CANX: variants seen among roughly 807,000 people sequenced by gnomAD.
CANX encodes epididymis secretory sperm binding protein.
Under a neutral mutation model 75.7 loss-of-function variants are expected in CANX, and 14 were observed. The ratio of observed to expected loss-of-function variants is 0.19; its 90% CI spans 0.12 to 0.29. The LOEUF (loss-of-function observed/expected upper bound fraction) is 0.29, where lower values mean the gene tolerates loss of function less well. Among genes scored for constraint, CANX ranks in the 10% least tolerant of loss-of-function variants. The pLI, the probability that CANX is intolerant of heterozygous loss-of-function variation, is 1.00. For synonymous variants in CANX, 227 were observed against 236.9 expected (o/e 0.96, Z 0.38); for missense variants, 567 against 713.2 (o/e 0.79, Z 2.34).
chr5:179,706,774 A>G (rs575522581), intron 3 of CANX, among the ~76,000 whole-genome samples: 15 of 152,110 alleles, frequency 9.9e-5, no homozygotes, highest in Non-Finnish European at 1.9e-4. Flanking sequence ...TCTAGCTTTA[A>G]TATCTTCAGT....
At chr5:179,697,795 G>A (rs543761188), upstream of CANX, among the ~76,000 whole-genome samples, 5 of 152,202 alleles carry the variant, frequency 3.3e-5, no homozygotes, top group Non-Finnish European at 7.4e-5. Flanking sequence ...GGAGGCTGAG[G>A]GAGAATCGCT....
chr5:179,730,798 T>TC lies in CANX; in HGVS notation c.*2156dup, dbSNP rs1778944305. ...TTGATTTTACATGCTGGTTACCTGT[T>TC]CCATTGTTGTCAAATGCCCACTCTC... On this transcript the variant is annotated 3_prime_UTR_variant, in exon 15 of 15. Transcript: ENST00000247461. The TC allele has an allele frequency of 6.6e-6, 1 of 152,240 alleles. No homozygotes were observed. The allele number at this position is 152,240 out of a possible 1,614,324, so 9.4% of individuals were successfully genotyped here.
chr5:179,706,265 A>G lies in CANX; in HGVS notation c.179A>G (p.Tyr60Cys). ...TTTATGTATTTAACACAGGTTACTT[A>G]CAAAGCTCCAGTTCCAACAGGGGAA... ...TAPPSSPKVT[Y>C]KAPVPTGEVY... Residue 60 changes from tyrosine (Y) to cysteine (C), a missense_variant, in exon 3 of 15, where the codon TAC (tyrosine) becomes TGC (cysteine). Transcript: ENST00000247461. 6.4e-7 allele frequency: 1 copy of G among 1,570,576 alleles called. No homozygotes were observed. The highest frequency in any genetic ancestry group is 8.8e-7 in the Non-Finnish European group (1 of 1,142,736).
intron 1 of CANX, among the ~76,000 whole-genome samples, chr5:179,684,085 T>G: frequency 6.6e-6 from 1 of 152,158 alleles, no homozygotes; most frequent in East Asian, 1.9e-4. Flanking sequence ...TGCTTTCATT[T>G]CTCTTAAGTA....
upstream of CANX, among the ~76,000 whole-genome samples, chr5:179,695,559 C>G (rs972588052): frequency 1.3e-5 from 2 of 151,652 alleles, no homozygotes; most frequent in Non-Finnish European, 2.9e-5. Flanking sequence ...GAACTCCTGA[C>G]CTCAGGTGAT....
chr5:179,723,639 C>G, intron 11 of CANX, 21 bp from the exon 12 acceptor site: 1 of 1,601,362 alleles, frequency 6.2e-7, no homozygotes, highest in South Asian at 1.1e-5. Flanking sequence ...AACTTTCAAT[C>G]AGCCCTGTCT....
At chr5:179,680,280 A>T (rs934988316) in intron 1 of CANX, among the ~76,000 whole-genome samples, 2 of 152,138 alleles carry the variant, frequency 1.3e-5, no homozygotes, top group Non-Finnish European at 2.9e-5. Context: ...CTGCTGAAGG[A>T]TTAGAAAGCC....
intron 8 of CANX, among the ~76,000 whole-genome samples, chr5:179,717,874 C>T (rs1778061598): frequency 1.3e-5 from 2 of 151,954 alleles, no homozygotes; most frequent in Non-Finnish European, 2.9e-5. Context: ...TGCCACCACA[C>T]CCAGCTAATT....
chr5:179,708,291 A>C lies in CANX; in HGVS notation c.357A>C (p.Gly119=). The C allele has an allele frequency of 6.2e-7, 1 of 1,613,392 alleles. No individual in the cohort carries two copies. The highest frequency in any genetic ancestry group is 2.2e-5 in the East Asian group (1 of 44,872). Residue 119 remains glycine (G), a synonymous_variant, in exon 5 of 15, where the codon GGA becomes GGC. Coordinates refer to ENST00000247461, the MANE Select transcript of CANX (RefSeq NM_001746.4). ...AGTCAAAGCTTCCAGGTGATAAAGG[A>C]CTTGTGTTGATGTCTCGGGCCAAGC... is the stretch of plus-strand genomic sequence containing the variant. ...MKESKLPGDK[G]LVLMSRAKHH...
At chr5:179,719,849 T>A (rs1778194369) in intron 9 of CANX, 68 bp downstream of exon 9, 28 of 781,948 alleles carry the variant, frequency 3.6e-5, no homozygotes, top group Non-Finnish European at 5.1e-5. Flanking sequence ...TGAGATGGAG[T>A]CTCACTCTGT....
At chr5:179,708,433 G>T (rs550423118) in intron 5 of CANX, 53 bp downstream of exon 5, 2 of 1,523,730 alleles carry the variant, frequency 1.3e-6, no homozygotes, top group Admixed American at 3.7e-5. Flanking sequence ...AATCTTAGAA[G>T]ACATTATGTA....
chr5:179,684,919 ATTTTGTATTTTTTTTTT>A (rs1776159062), intron 1 of CANX, among the ~76,000 whole-genome samples: 1 of 95,232 alleles, frequency 1.1e-5, no homozygotes, highest in Non-Finnish European at 2.0e-5. Context: ...CACCTGGCTA[ATTTTGTATTTTTTTTTT>A]TTTTTTTTTT....
intron 10 of CANX, 114 bp from the exon 11 acceptor site, chr5:179,722,690 A>G: frequency 1.5e-6 from 1 of 651,456 alleles, no homozygotes; most frequent in East Asian, 2.7e-5. Context: ...TTCAAGTTTC[A>G]TGAAGTTGGC....
intron 10 of CANX, among the ~76,000 whole-genome samples, chr5:179,722,393 T>C (rs541002456): frequency 3.9e-5 from 6 of 152,342 alleles, no homozygotes; most frequent in Admixed American, 3.9e-4. Context: ...TGGGTGTATG[T>C]TGTGAGTATT....
At chr5:179,686,390 G>A (rs1293132547) in intron 1 of CANX, among the ~76,000 whole-genome samples, 2 of 151,606 alleles carry the variant, frequency 1.3e-5, no homozygotes, top group Non-Finnish European at 2.9e-5. Flanking sequence ...GAGCCACCAA[G>A]CCCGGCCATC....
At chr5:179,723,875 T>C (rs780544125) in intron 12 of CANX, 96 bp downstream of exon 12, 3 of 1,130,026 alleles carry the variant, frequency 2.7e-6, no homozygotes, top group South Asian at 1.5e-5. Flanking sequence ...TTCTTTGTAG[T>C]GGCTCAGTAA....
intron 2 of CANX, 111 bp downstream of exon 2, chr5:179,705,963 G>A (rs1158530043): frequency 1.3e-6 from 1 of 799,038 alleles, no homozygotes; most frequent in Admixed American, 2.3e-5. Context: ...CCTAGGACAG[G>A]AGTGTGAGTC....
intron 7 of CANX, among the ~76,000 whole-genome samples, chr5:179,713,535 A>G (rs1007503179): frequency 6.6e-6 from 1 of 152,218 alleles, no homozygotes; most frequent in Admixed American, 6.5e-5. Context: ...CTAATATTTG[A>G]TAGTACAGTA....
At chr5:179,695,260 C>A (rs1433871385), upstream of CANX, among the ~76,000 whole-genome samples, 1 of 151,960 alleles carries the variant, frequency 6.6e-6, no homozygotes, top group African/African-American at 2.4e-5. Flanking sequence ...GGGGTTTCAC[C>A]GTGTTAGCCA....
Sources: allele counts gnomAD v4.1 joint callset (sites outside exome capture counted in the v4.1 genomes callset), GRCh38; gene constraint gnomAD v4.1.1; transcripts MANE v1.5; gene names NCBI Gene and HGNC (gene_info 2026-07-23, HGNC 2026-07-21).